PLEKHA4: variants seen among roughly 807,000 people sequenced by gnomAD.
The protein encoded by PLEKHA4 is pleckstrin homology domain containing A4.
A neutral mutation model predicts 94.7 loss-of-function variants in PLEKHA4; 73 were observed. The ratio of observed to expected loss-of-function variants is 0.77; its 90% CI spans 0.64 to 0.94. PLEKHA4 has a LOEUF of 0.94. Ranked by LOEUF, PLEKHA4 falls within the 40% of genes least tolerant of loss-of-function variation. The pLI, the probability that PLEKHA4 is intolerant of heterozygous loss-of-function variation, is 0.00. For missense variants in PLEKHA4, 1,049 were observed against 1,054.1 expected (o/e 1.00, Z 0.07); for synonymous variants, 449 against 437.1 (o/e 1.03, Z -0.34).
chr19:48,846,971 T>C (rs1458758693), intron 14 of PLEKHA4, among the ~76,000 whole-genome samples: 1 of 152,118 alleles, frequency 6.6e-6, no homozygotes, highest in Non-Finnish European at 1.5e-5. Context: ...AACCTCTGCC[T>C]CCCTGGTTCA....
intron 6 of PLEKHA4, 85 bp downstream of exon 6, chr19:48,860,265 G>C (rs1460028383): frequency 4.3e-5 from 51 of 1,176,448 alleles, no homozygotes; most frequent in Non-Finnish European, 6.2e-5. Flanking sequence ...ACACTCAAGG[G>C]GGCAGGGCCC....
chr19:48,837,388 G>T lies in PLEKHA4; in HGVS notation c.2241C>A (p.Pro747=), dbSNP rs1473540006. 6.2e-7 allele frequency: 1 copy of T among 1,613,716 alleles called. No homozygotes were observed. The highest frequency in any genetic ancestry group is 1.7e-5 in the Admixed American group (1 of 59,994). The part of the protein sequence containing the change: ...RGSGRGGGPT[P]WGPAWDAGIA... ...TCCCGGCATCCCACGCGGGCCCCCA[G>T]GGGGTGGGACCTCCTCCACGCCCAC... Residue 747 remains proline, a synonymous_variant, in exon 20 of 20, where the codon CCC becomes CCA. Transcript: ENST00000263265. The surrounding 1 kb of genome is among the most constrained non-coding windows in gnomAD (Gnocchi z 4.3).
chr19:48,840,337 C>T lies in PLEKHA4; in HGVS notation c.1905+812G>A, dbSNP rs563853156. 3.9e-3 allele frequency among the ~76,000 whole-genome samples: 592 copies of T among 151,078 alleles called. 1 individual carries two copies. The highest frequency in any genetic ancestry group is 6.4e-3 in the Non-Finnish European group (433 of 67,786). ...GGCTGAGGCATGAAAATCACTTGAA[C>T]CCAGGAGGTGGAGGTTGCAGTGAGT... On this transcript the variant is annotated intron_variant, in intron 17 of 19. Transcript: ENST00000263265.
chr19:48,839,702 A>G (rs1212911904), intron 17 of PLEKHA4, among the ~76,000 whole-genome samples: 2 of 151,818 alleles, frequency 1.3e-5, no homozygotes, highest in Non-Finnish European at 2.9e-5. Flanking sequence ...GCACCCAGTG[A>G]CTGACAATGT....
At chr19:48,861,156 C>T (rs899899241) in intron 5 of PLEKHA4, among the ~76,000 whole-genome samples, 1 of 151,126 alleles carries the variant, frequency 6.6e-6, no homozygotes, top group African/African-American at 2.4e-5. Context: ...TGCAGTGAGC[C>T]GAGATCGCAC....
rs753497678 is a variant in PLEKHA4, at chr19:48,853,138, ATTG to A, written c.1326+541_1326+543del. ...TAATAATTATAGCTGACACTTAAGT[ATTG>A]CTTTACCAAGTACCAAGTACCTTAA... On this transcript the variant is annotated intron_variant, in intron 12 of 19. Coordinates refer to ENST00000263265, the MANE Select transcript of PLEKHA4 (RefSeq NM_020904.3). 1.1e-3 allele frequency among the ~76,000 whole-genome samples: 165 copies of A among 152,302 alleles called. 6 individuals are homozygous for A. Among genetic ancestry groups the A allele is most frequent in the South Asian group, 1.9e-3 (9 of 4,832 alleles).
Position 48,837,170 on chromosome 19 carries a change from C to T in PLEKHA4, c.*119G>A. ...AACTTTGGCCATAGAAACCATTCCC[C>T]TCCCGGGCCCGCAATGGGGACCAGA... On this transcript the variant is annotated 3_prime_UTR_variant, in exon 20 of 20. Coordinates refer to ENST00000263265, the MANE Select transcript of PLEKHA4 (RefSeq NM_020904.3). This position sits in a 1 kb window ranked among gnomAD's most constrained non-coding sequence, Gnocchi z 4.3. The T allele has an allele frequency of 6.9e-7, 1 of 1,456,714 alleles. No homozygotes were observed. Among genetic ancestry groups the T allele is most frequent in the South Asian group, 1.2e-5 (1 of 84,504 alleles). The allele number at this position is 1,456,714 out of a possible 1,614,324, so 90.2% of individuals were successfully genotyped here. A position where few individuals can be genotyped will look rare whatever the true frequency, so the allele number is the denominator to read the frequency against.
chr19:48,844,443 C>T (rs1437252170), intron 16 of PLEKHA4: 6 of 985,018 alleles, frequency 6.1e-6, no homozygotes, highest in South Asian at 9.4e-5. Context: ...GTACGAGCCA[C>T]GGTTCCCAGC....
intron 13 of PLEKHA4, among the ~76,000 whole-genome samples, chr19:48,851,267 C>A (rs371769304): frequency 2.7e-4 from 41 of 152,296 alleles, no homozygotes; most frequent in African/African-American, 9.6e-4. Flanking sequence ...ACCAAAATAT[C>A]TTATGCACTT....
At chr19:48,845,322 G>T in intron 16 of PLEKHA4, 48 bp downstream of exon 16, 2 of 1,560,172 alleles carry the variant, frequency 1.3e-6, no homozygotes, top group Non-Finnish European at 8.8e-7. Context: ...AAGTGTGGGG[G>T]TCCCTGATGG....
At chr19:48,855,704 G>T (rs556590697) in intron 9 of PLEKHA4, among the ~76,000 whole-genome samples, 4 of 151,846 alleles carry the variant, frequency 2.6e-5, no homozygotes, top group Non-Finnish European at 5.9e-5. Context: ...TGGGAGTATC[G>T]CTTGGGCCCA....
chr19:48,860,424 G>A lies in PLEKHA4; in HGVS notation c.402C>T (p.Ala134=). The change falls in exon 6 of 20, where the codon GCC becomes GCT. Residue 134 remains alanine, a synonymous_variant. Transcript: ENST00000263265. ...CCCGCAGGTCTTCTAAGGTGTCAGC[G>A]GCCAAAACGTAGGTCCTCATGCCCG... is the stretch of plus-strand genomic sequence containing the variant. The part of the protein sequence containing the change: ...EHPGMRTYVL[A]ADTLEDLRGW... The A allele has an allele frequency of 2.5e-6, 4 of 1,614,094 alleles. No homozygotes were observed. Among genetic ancestry groups the A allele is most frequent in the Non-Finnish European group, 3.4e-6 (4 of 1,180,016 alleles).
intron 9 of PLEKHA4, 75 bp downstream of exon 9, chr19:48,857,347 A>C: frequency 3.0e-6 from 2 of 677,516 alleles, no homozygotes; most frequent in Admixed American, 3.1e-5. Flanking sequence ...CCCTAGGCCA[A>C]GAGATGACAT....
At chr19:48,849,641 A>G (rs1372327906) in intron 13 of PLEKHA4, among the ~76,000 whole-genome samples, 1 of 152,172 alleles carries the variant, frequency 6.6e-6, no homozygotes, top group Non-Finnish European at 1.5e-5. Context: ...ATGATTTAGA[A>G]CTTGATGGCT....
In PLEKHA4 at chr19:48,858,627, C is replaced by CAAAAAAAAAAAAAAAAAAAAAAA. The variant is rs56663437; in HGVS notation, c.972+232_972+233insTTTTTTTTTTTTTTTTTTTTTTT. 1.7e-3 allele frequency among the ~76,000 whole-genome samples: 107 copies of CAAAAAAAAAAAAAAAAAAAAAAA among 63,396 alleles called. 6 individuals are homozygous for CAAAAAAAAAAAAAAAAAAAAAAA. The highest frequency in any genetic ancestry group is 4.3e-3 in the African/African-American group (40 of 9,230). 41.6% of individuals were successfully genotyped at this position (63,396 alleles called of 152,430 possible). On this transcript the variant is annotated intron_variant, in intron 8 of 19. Coordinates refer to ENST00000263265, the MANE Select transcript of PLEKHA4 (RefSeq NM_020904.3). ...TGGCGACAGAGCAAGACCTCAGTCT[C>CAAAAAAAAAAAAAAAAAAAAAAA]AAAAAAAAAAAAAAAAAGCAATGGC...
In PLEKHA4 at chr19:48,852,300, G is replaced by T; in HGVS notation, c.1353C>A (p.Tyr451Ter). 6.2e-7 allele frequency: 1 copy of T among 1,614,054 alleles called. No individual in the cohort carries two copies. Among genetic ancestry groups the T allele is most frequent in the South Asian group, 1.1e-5 (1 of 91,082 alleles). Residue 451 changes from tyrosine to a stop codon, truncating the protein, a stop_gained, in exon 13 of 20, where the codon TAC becomes TAA. Transcript: ENST00000263265. LOFTEE classifies it high-confidence loss of function. ...TGCCCAGCTCCTGCTCCAGGCCACT[G>T]TACGTGTCCCAAACCCTCTCTCGCT... ...TQERERVWDT[Y>*]SGLEQELGTL...
Position 48,867,856 on chromosome 19 carries a change from G to C in PLEKHA4, c.-7+227C>G, listed in dbSNP as rs908767871. On this transcript the variant is annotated intron_variant, in intron 1 of 19. Coordinates refer to ENST00000263265, the MANE Select transcript of PLEKHA4 (RefSeq NM_020904.3). The surrounding 1 kb of genome is among the most constrained non-coding windows in gnomAD (Gnocchi z 4.7). ...GCAGCTGTCTGCAGCCCAGGCCAGA[G>C]AATAGGGGCTTCTTTATTCCTGCCC... 4.6e-5 allele frequency among the ~76,000 whole-genome samples: 7 copies of C among 152,134 alleles called. No homozygotes were observed. Among genetic ancestry groups the C allele is most frequent in the Non-Finnish European group, 7.4e-5 (5 of 68,008 alleles).
At position 48,845,561 on chromosome 19, in the gene PLEKHA4, C is replaced by A. The variant is rs772191142; in HGVS notation, c.1622G>T (p.Gly541Val). 3 of 1,610,972 alleles carry A rather than the reference C, an allele frequency of 1.9e-6. No individual in the cohort carries two copies. Among genetic ancestry groups the A allele is most frequent in the East Asian group, 4.5e-5 (2 of 44,798 alleles). ...GTCTTTGTCGCCTCCAGGAGGCCGC[C>A]CCCAGTCAGTCTCGGGGGACCTAGG... ...SSPRSPETDW[G>V]RPPGGDKDLA... Residue 541 changes from glycine to valine, a missense_variant, in exon 15 of 20, where the codon GGG (glycine) becomes GTG (valine). By Grantham distance (109) the Gly-to-Val change is moderately radical. Transcript: ENST00000263265.
rs922323215 is a variant in PLEKHA4, at chr19:48,867,535, A to G, written c.84+2T>C. 7 of 1,594,212 alleles carry G rather than the reference A, an allele frequency of 4.4e-6. No individual in the cohort carries two copies. Among genetic ancestry groups the G allele is most frequent in the Non-Finnish European group, 6.0e-6 (7 of 1,173,028 alleles). On this transcript the variant is annotated splice_donor_variant, in intron 2 of 19. Transcript: ENST00000263265. LOFTEE classifies it high-confidence loss of function. The surrounding 1 kb of genome is among the most constrained non-coding windows in gnomAD (Gnocchi z 4.7). ...TCCCCATCCCCGCCAGGAAGCTCAA[A>G]CCTTGGGGCTCAGGCTGCTGAGCGA... is the stretch of plus-strand genomic sequence containing the variant.
Sources: allele counts gnomAD v4.1 joint callset (sites outside exome capture counted in the v4.1 genomes callset), GRCh38; gene constraint gnomAD v4.1.1; non-coding constraint Gnocchi (gnomAD v3.1); transcripts MANE v1.5; gene names NCBI Gene and HGNC (gene_info 2026-07-23, HGNC 2026-07-21).